The following MS4A5 variants were observed in gnomAD, a reference collection of about 807,000 sequenced individuals.
The protein encoded by MS4A5 is membrane-spanning 4-domains subfamily A member 5.
A neutral mutation model predicts 18.2 loss-of-function variants in MS4A5; 15 were observed. The ratio of observed to expected loss-of-function variants is 0.83; its 90% CI spans 0.55 to 1.27. MS4A5 has a LOEUF of 1.27. Among genes scored for constraint, MS4A5 ranks in the 50% most tolerant of loss-of-function variants. The pLI, the probability that MS4A5 is intolerant of heterozygous loss-of-function variation, is 0.00. For synonymous variants in MS4A5, 89 were observed against 78.7 expected (o/e 1.13, Z -0.69); for missense variants, 232 against 225.7 (o/e 1.03, Z -0.18).
At chr11:60,441,296 G>C (rs1415559908) in intron 4 of MS4A5, among the ~76,000 whole-genome samples, 3 of 121,058 alleles carry the variant, frequency 2.5e-5, no homozygotes, top group Non-Finnish European at 5.4e-5. Flanking sequence ...GGGAGGGGGG[G>C]AGGGATAGCA....
chr11:60,429,756 C>A lies in MS4A5; in HGVS notation c.82C>A (p.Leu28Ile), dbSNP rs1469524992. Residue 28 changes from leucine to isoleucine, a missense_variant, in exon 1 of 5, where the codon CTT becomes ATT. Coordinates refer to ENST00000300190, the MANE Select transcript of MS4A5 (RefSeq NM_023945.3). ...ITASEYESTE[L>I]SATTFSTQSP... ...TGCTTCAGAATATGAGTCCACAGAACTTTCAGCCACGACCTTTTCAACTCA... is the reference window on the plus strand; with the variant it reads ...TGCTTCAGAATATGAGTCCACAGAAATTTCAGCCACGACCTTTTCAACTCA... 11 of 1,613,958 alleles carry A rather than the reference C, an allele frequency of 6.8e-6. No homozygotes were observed. Among genetic ancestry groups the A allele is most frequent in the South Asian group, 1.1e-5 (1 of 91,080 alleles).
intron 4 of MS4A5, among the ~76,000 whole-genome samples, chr11:60,447,104 TGTTAG>T (rs1271292292): frequency 3.3e-5 from 5 of 149,636 alleles, no homozygotes; most frequent in African/African-American, 1.3e-4. Context: ...TGCTATGCTA[TGTTAG>T]CTATCCTATG....
At position 60,430,889 on chromosome 11, in the gene MS4A5, T is replaced by A; in HGVS notation, c.247T>A (p.Phe83Ile). 1 of 1,613,368 alleles carries A rather than the reference T, an allele frequency of 6.2e-7. No homozygotes were observed. Among genetic ancestry groups the A allele is most frequent in the Non-Finnish European group, 8.5e-7 (1 of 1,179,930 alleles). ...LKPYPRFPFI[F>I]LSGYPFWGSV... is the part of the protein sequence containing the mutation. ...ACCATATCCAAGGTTTCCCTTTATA[T>A]TTCTTTCAGGATATCCATTCTGGGG... Residue 83 changes from phenylalanine (F) to isoleucine (I), a missense_variant, in exon 2 of 5, where the codon TTT becomes ATT. Phe to Ile is a conservative substitution (Grantham distance 21). Coordinates refer to ENST00000300190, the MANE Select transcript of MS4A5 (RefSeq NM_023945.3).
chr11:60,445,588 G>A (rs769672333), intron 4 of MS4A5, among the ~76,000 whole-genome samples: 6 of 152,018 alleles, frequency 3.9e-5, no homozygotes, highest in Non-Finnish European at 8.8e-5. Flanking sequence ...TATAAACTTT[G>A]ATATAGTTAA....
chr11:60,438,825 A>T (rs2086095177), intron 4 of MS4A5, among the ~76,000 whole-genome samples: 1 of 127,952 alleles, frequency 7.8e-6, no homozygotes, highest in South Asian at 2.6e-4. Context: ...ATGGATTCAC[A>T]GCCGAATTAT....
chr11:60,444,984 T>C (rs1348603236), intron 4 of MS4A5, among the ~76,000 whole-genome samples: 1 of 152,212 alleles, frequency 6.6e-6, no homozygotes, highest in Non-Finnish European at 1.5e-5. Flanking sequence ...AACAACAAAA[T>C]GGCTAATTAT....
intron 4 of MS4A5, among the ~76,000 whole-genome samples, chr11:60,440,234 T>C (rs1269076469): frequency 3.4e-4 from 34 of 100,484 alleles, no homozygotes; most frequent in African/African-American, 1.2e-3. Context: ...TGTAGAAAGC[T>C]GAAACTGGAT....
chr11:60,443,482 C>T (rs2135179588), intron 4 of MS4A5, among the ~76,000 whole-genome samples: 1 of 151,824 alleles, frequency 6.6e-6, no homozygotes, highest in East Asian at 1.9e-4. Context: ...TTAGAGGAAA[C>T]TTTACGACCT....
intron 4 of MS4A5, among the ~76,000 whole-genome samples, chr11:60,443,077 G>A (rs1044044207): frequency 6.6e-6 from 1 of 152,178 alleles, no homozygotes; most frequent in African/African-American, 2.4e-5. Flanking sequence ...GGAGGCGGAA[G>A]TTGAAGTGAG....
chr11:60,430,307 T>C (rs184859555), intron 1 of MS4A5, among the ~76,000 whole-genome samples: 1 of 150,736 alleles, frequency 6.6e-6, no homozygotes, highest in East Asian at 2.0e-4. Context: ...GGCCTGAGAG[T>C]GTGACAATAC....
rs1277444966 is a variant in MS4A5 at position 60,436,897 on chromosome 11, G to A, written c.492+2980G>A. ...CCCCAATCTAGCAAGGCAGGCCAAC[G>A]TTCAGATTCAGGAAATACAGAGAAC... On this transcript the variant is annotated intron_variant, in intron 4 of 4. Transcript: ENST00000300190. 5.3e-5 allele frequency among the ~76,000 whole-genome samples: 7 copies of A among 132,716 alleles called. 1 individual carries two copies. The highest frequency in any genetic ancestry group is 2.1e-4 in the East Asian group (1 of 4,692). The allele number at this position is 132,716 out of a possible 152,430, so 87.1% of individuals were successfully genotyped here.
chr11:60,441,625 G>GAA (rs34742673), intron 4 of MS4A5, among the ~76,000 whole-genome samples: 348 of 138,894 alleles, frequency 2.5e-3, no homozygotes, highest in Middle Eastern at 7.3e-3. Context: ...GTCAAGACTT[G>GAA]AAAAAAAAAA....
intron 1 of MS4A5, 152 bp downstream of exon 1, chr11:60,429,979 ATGTT>A: frequency 1.3e-6 from 1 of 762,826 alleles, no homozygotes; most frequent in East Asian, 2.8e-5. Context: ...TTGAGAGAGG[ATGTT>A]TGAGAAGAAC....
At chr11:60,434,418 A>C (rs1428874095) in intron 4 of MS4A5, among the ~76,000 whole-genome samples, 1 of 152,222 alleles carries the variant, frequency 6.6e-6, no homozygotes, top group African/African-American at 2.4e-5. Flanking sequence ...GTTACCAAAC[A>C]CACACAAAAA....
At chr11:60,435,007 A>C (rs114273768) in intron 4 of MS4A5, among the ~76,000 whole-genome samples, 1 of 152,240 alleles carries the variant, frequency 6.6e-6, no homozygotes, top group African/African-American at 2.4e-5. Context: ...AACAAAGTTT[A>C]AAAAGGAAAA....
At position 60,433,799 on chromosome 11, in the gene MS4A5, C is replaced by A. The variant is rs1166819882; in HGVS notation, c.374C>A (p.Ala125Asp). Residue 125 changes from alanine to aspartate, a missense_variant, in exon 4 of 5, where the codon GCC (alanine) becomes GAC (aspartate). Coordinates refer to ENST00000300190, the MANE Select transcript of MS4A5 (RefSeq NM_023945.3). ...ILSRIMNFLS[A>D]LGAIAGIILL... Reference sequence around the variant, plus strand: ...AGCCGAATAATGAATTTTCTTAGTGCCCTGGGAGCAATAGCTGGAATCATT... The same window carrying A: ...AGCCGAATAATGAATTTTCTTAGTGACCTGGGAGCAATAGCTGGAATCATT... The A allele has an allele frequency of 6.2e-7, 1 of 1,613,718 alleles. No individual in the cohort carries two copies. The highest frequency in any genetic ancestry group is 8.5e-7 in the Non-Finnish European group (1 of 1,179,714).
chr11:60,438,652 G>A (rs200246863), intron 4 of MS4A5, among the ~76,000 whole-genome samples: 12,184 of 151,814 alleles, frequency 0.08, 901 homozygotes, highest in East Asian at 0.28. Flanking sequence ...ACACCTCTAC[G>A]CAAATAAACT....
chr11:60,432,785 A>T (rs2086058092), intron 3 of MS4A5, among the ~76,000 whole-genome samples: 1 of 151,814 alleles, frequency 6.6e-6, no homozygotes, highest in African/African-American at 2.4e-5. Context: ...AAAAAAACAA[A>T]AAAAAGTAAT....
intron 4 of MS4A5, among the ~76,000 whole-genome samples, chr11:60,435,960 G>A (rs2086077928): frequency 6.6e-6 from 1 of 152,218 alleles, no homozygotes; most frequent in African/African-American, 2.4e-5. Context: ...TGCCTCTGTA[G>A]GCTCCACCTC....
Sources: allele counts gnomAD v4.1 joint callset (sites outside exome capture counted in the v4.1 genomes callset), GRCh38; gene constraint gnomAD v4.1.1; transcripts MANE v1.5; gene names NCBI Gene and HGNC (gene_info 2026-07-23, HGNC 2026-07-21).